Variants in ARHGAP6 observed in about 807,000 individuals in gnomAD.
ARHGAP6 encodes the protein Rho GTPase activating protein 6.
ARHGAP6 carries 16 observed loss-of-function variants against 55.7 expected under a neutral mutation model. The ratio of observed to expected loss-of-function variants is 0.29; its 90% CI spans 0.19 to 0.44. The LOEUF (loss-of-function observed/expected upper bound fraction) is 0.44. ARHGAP6 is among the 20% of genes least tolerant of loss of function. The pLI is 1.00. For synonymous variants in ARHGAP6, 382 were observed against 360.9 expected (o/e 1.06, Z -0.66); for missense variants, 698 against 808.9 (o/e 0.86, Z 1.66).
intron 1 of ARHGAP6, among the ~76,000 whole-genome samples, chrX:11,291,654 G>A (rs758182909): frequency 1.8e-5 from 2 of 110,951 alleles, no homozygotes; most frequent in East Asian, 2.8e-4. Context: ...CCACCTTGCT[G>A]TACACCCCTG....
rs1218978878 is a variant in ARHGAP6 at position 11,358,474 on chromosome X, TTTCTTTCTTTC to T, written c.589-103778_589-103768del. Among the ~76,000 whole-genome samples, 215 of 98,381 alleles carry T rather than the reference TTTCTTTCTTTC, an allele frequency of 2.2e-3. 4 individuals are homozygous for T. The highest frequency in any genetic ancestry group is 7.8e-3 in the African/African-American group (201 of 25,726). The allele number at this position is 98,381 out of a possible 115,157, so 85.4% of individuals were successfully genotyped here. ...CTTTCTTTCTTTCTTTCTTTCTTTCTTTCTTTCTTTCTTTTTTTTTTTTTGACAGAGTTTTA... is the reference window on the plus strand; with the variant it reads ...CTTTCTTTCTTTCTTTCTTTCTTTCTTTTTTTTTTTTTTGACAGAGTTTTA... On this transcript the variant is annotated intron_variant, in intron 1 of 12. Coordinates refer to ENST00000337414, the MANE Select transcript of ARHGAP6 (RefSeq NM_013427.3).
In ARHGAP6 at chrX:11,516,155, C is replaced by T. The variant is rs759282190; in HGVS notation, c.588+148086G>A. Among the ~76,000 whole-genome samples, 8 of 112,479 alleles carry T rather than the reference C, an allele frequency of 7.1e-5. No homozygotes were observed. In the South Asian group the frequency reaches 1.4e-3, roughly 20 times the overall value. ...TATCTCTGATCTAATACTTGTCAGTCGAAAAGTTAGTTACTAAGTATTTTT... is the reference window on the plus strand; with the variant it reads ...TATCTCTGATCTAATACTTGTCAGTTGAAAAGTTAGTTACTAAGTATTTTT... On this transcript the variant is annotated intron_variant, in intron 1 of 12. Coordinates refer to ENST00000337414, the MANE Select transcript of ARHGAP6 (RefSeq NM_013427.3).
chrX:11,639,138 A>G (rs1195331288), intron 1 of ARHGAP6, among the ~76,000 whole-genome samples: 1 of 111,698 alleles, frequency 9.0e-6, no homozygotes, highest in Non-Finnish European at 1.9e-5. Flanking sequence ...GTCTGAAACA[A>G]GGGAAAAAAC....
chrX:11,178,027 A>G, intron 8 of ARHGAP6, 73 bp downstream of exon 8: 3 of 1,182,780 alleles, frequency 2.5e-6, no homozygotes, highest in East Asian at 6.0e-5. Flanking sequence ...CAAAATGGCC[A>G]TTTTGGTGGT....
At position 11,186,227 on chromosome X, in the gene ARHGAP6, T is replaced by G. The variant is rs756359804; in HGVS notation, c.1273+9A>C. On this transcript the variant is annotated intron_variant, in intron 5 of 12. Transcript: ENST00000337414. ...GTCCTTAGTACTTTAGACAGACAAGTCTACTTACCATGTTTTTCTAGGTGC... is the reference window on the plus strand; with the variant it reads ...GTCCTTAGTACTTTAGACAGACAAGGCTACTTACCATGTTTTTCTAGGTGC... 8.3e-7 allele frequency: 1 copy of G among 1,204,826 alleles called. No individual in the cohort carries two copies. The highest frequency in any genetic ancestry group is 1.1e-6 in the Non-Finnish European group (1 of 890,851).
intron 1 of ARHGAP6, among the ~76,000 whole-genome samples, chrX:11,453,842 A>G (rs1437818560): frequency 8.9e-6 from 1 of 112,182 alleles, no homozygotes. Flanking sequence ...TTTAAGATGC[A>G]TTAATAATGT....
intron 1 of ARHGAP6, among the ~76,000 whole-genome samples, chrX:11,629,999 C>G (rs1481657077): frequency 1.9e-5 from 2 of 105,609 alleles, no homozygotes; most frequent in Non-Finnish European, 4.0e-5. Context: ...AGAATCGAAG[C>G]TCCCCCAACT....
chrX:11,481,913 T>A (rs2050460485), intron 1 of ARHGAP6, among the ~76,000 whole-genome samples: 2 of 111,985 alleles, frequency 1.8e-5, no homozygotes, highest in Non-Finnish European at 3.8e-5. Flanking sequence ...AAATGACAAA[T>A]TAACTCACTA....
At chrX:11,288,812 T>C (rs1427795672) in intron 1 of ARHGAP6, among the ~76,000 whole-genome samples, 1 of 112,470 alleles carries the variant, frequency 8.9e-6, no homozygotes, top group Non-Finnish European at 1.9e-5. Flanking sequence ...GGTTCATCCA[T>C]GTTGCTGTAT....
At chrX:11,397,811 G>A (rs767341787) in intron 1 of ARHGAP6, among the ~76,000 whole-genome samples, 2 of 111,762 alleles carry the variant, frequency 1.8e-5, no homozygotes, top group Admixed American at 9.5e-5. Flanking sequence ...TGAGCCCAGG[G>A]AGGTCGAAGC....
chrX:11,393,450 A>C (rs955251660), intron 1 of ARHGAP6, among the ~76,000 whole-genome samples: 1 of 111,911 alleles, frequency 8.9e-6, no homozygotes, highest in African/African-American at 3.2e-5. Context: ...GATATAACAA[A>C]ATATATGCAT....
At chrX:11,559,665 C>T (rs780897673) in intron 1 of ARHGAP6, among the ~76,000 whole-genome samples, 2 of 111,120 alleles carry the variant, frequency 1.8e-5, no homozygotes, top group Admixed American at 9.6e-5. Context: ...CGGTGGCTCA[C>T]GCCTGTAATC....
intron 1 of ARHGAP6, among the ~76,000 whole-genome samples, chrX:11,341,777 T>C (rs17321468): frequency 0.025 from 2,808 of 111,931 alleles, 44 homozygotes; most frequent in Non-Finnish European, 0.038. Flanking sequence ...GCTGATAAAT[T>C]GCTGTCTTTT....
intron 1 of ARHGAP6, among the ~76,000 whole-genome samples, chrX:11,411,224 A>AT (rs2049683149): frequency 1.3e-4 from 6 of 44,900 alleles, no homozygotes; most frequent in Admixed American, 3.5e-4. Context: ...TATATATATA[A>AT]AATATACAAA....
At chrX:11,354,874 A>C (rs2048913633) in intron 1 of ARHGAP6, among the ~76,000 whole-genome samples, 1 of 111,919 alleles carries the variant, frequency 8.9e-6, no homozygotes, top group South Asian at 3.7e-4. Flanking sequence ...TCAAATTTTT[A>C]CTAGACAACT....
At chrX:11,238,024 A>T (rs1474589262) in intron 2 of ARHGAP6, among the ~76,000 whole-genome samples, 2 of 111,860 alleles carry the variant, frequency 1.8e-5, no homozygotes, top group Non-Finnish European at 3.8e-5. Context: ...GGACATCACC[A>T]AATGTCCTCC....
At chrX:11,335,875 G>T in intron 1 of ARHGAP6, 1 of 195,884 alleles carries the variant, frequency 5.1e-6, no homozygotes, top group South Asian at 7.8e-5. Context: ...CGATCCCCTA[G>T]AGGACACGGC....
rs41305177 is a variant in ARHGAP6, at chrX:11,299,057, C to T, written c.589-44350G>A. The T allele has an allele frequency of 1.9e-3, 1,998 of 1,061,874 alleles. 2 individuals carry two copies. The highest frequency in any genetic ancestry group is 2.3e-3 in the Non-Finnish European group (1,765 of 776,476). 87.5% of individuals were successfully genotyped at this position (1,061,874 alleles called of 1,213,427 possible). On this transcript the variant is annotated intron_variant, in intron 1 of 12. Transcript: ENST00000337414. ...GGCCCCAGAGTTCTAAGGTCTCCGA[C>T]AACCAAGGATCTAGAGTTGTAGTAG...
At position 11,372,555 on chromosome X, in the gene ARHGAP6, G is replaced by A. The variant is rs1471336215; in HGVS notation, c.589-117848C>T. On this transcript the variant is annotated intron_variant, in intron 1 of 12. Coordinates refer to ENST00000337414, the MANE Select transcript of ARHGAP6 (RefSeq NM_013427.3). ...TGGGAGGCCGAGGAGGGTGGATTAC[G>A]AGGTCAGGAGATGGAGACCATCCTG... Among the ~76,000 whole-genome samples, 7 of 109,586 alleles carry A rather than the reference G, an allele frequency of 6.4e-5. No individual in the cohort carries two copies. In the East Asian group the frequency reaches 1.4e-3, roughly 23 times the overall value.
Sources: allele counts gnomAD v4.1 joint callset (sites outside exome capture counted in the v4.1 genomes callset), GRCh38; gene constraint gnomAD v4.1.1; transcripts MANE v1.5; gene names NCBI Gene and HGNC (gene_info 2026-07-23, HGNC 2026-07-21).